SNTG2: variants seen among roughly 807,000 people sequenced by gnomAD.
SNTG2 encodes the protein gamma-2-syntrophin.
A neutral mutation model predicts 70.9 loss-of-function variants in SNTG2; 74 were observed. The observed-to-expected ratio is 1.04, with a 90% CI of 0.86 to 1.27. SNTG2 has a LOEUF of 1.27. Ranked by LOEUF, SNTG2 falls within the 50% of genes most tolerant of loss-of-function variation. The pLI is 0.00. For missense variants in SNTG2, 717 were observed against 690.7 expected, an observed-to-expected ratio of 1.04 and a Z score of -0.43; for synonymous variants, 278 against 273.8, an observed-to-expected ratio of 1.02 and a Z score of -0.15.
At chr2:1,207,206 T>C (rs1389228621) in intron 8 of SNTG2, among the ~76,000 whole-genome samples, 1 of 152,228 alleles carries the variant, frequency 6.6e-6, no homozygotes, top group East Asian at 1.9e-4. Flanking sequence ...TATTTCAGTG[T>C]CATTCTCGTG....
At chr2:1,070,733 CT>C (rs145756996) in intron 1 of SNTG2, among the ~76,000 whole-genome samples, 1 of 152,328 alleles carries the variant, frequency 6.6e-6, no homozygotes, top group African/African-American at 2.4e-5. Context: ...GGAAAGGAAG[CT>C]TCTTATCAGC....
intron 4 of SNTG2, among the ~76,000 whole-genome samples, chr2:1,105,363 A>G (rs1021490339): frequency 6.6e-6 from 1 of 152,088 alleles, no homozygotes; most frequent in East Asian, 1.9e-4. Flanking sequence ...TTGCCATATG[A>G]TGTTCTGCAT....
chr2:1,151,452 T>C (rs1572574805), intron 6 of SNTG2, among the ~76,000 whole-genome samples: 1 of 152,200 alleles, frequency 6.6e-6, no homozygotes, highest in Non-Finnish European at 1.5e-5. Context: ...TTCTGATAAA[T>C]GTTGAGACCC....
chr2:1,145,207 T>A (rs1011004223), intron 6 of SNTG2, among the ~76,000 whole-genome samples: 1 of 151,800 alleles, frequency 6.6e-6, no homozygotes, highest in African/African-American at 2.4e-5. Flanking sequence ...GAGAAGCAAT[T>A]TAAACCCAAT....
intron 6 of SNTG2, among the ~76,000 whole-genome samples, chr2:1,152,212 A>G (rs1307773010): frequency 6.6e-6 from 1 of 152,210 alleles, no homozygotes; most frequent in African/African-American, 2.4e-5. Context: ...TGTAGGGTAG[A>G]GCAATTAGTC....
intron 8 of SNTG2, among the ~76,000 whole-genome samples, chr2:1,190,675 A>G (rs4476383): frequency 0.32 from 47,730 of 151,296 alleles, 8,112 homozygotes; most frequent in East Asian, 0.66. Flanking sequence ...TACACAAAAT[A>G]TATAATTGAA....
Position 1,098,353 on chromosome 2 carries a change from G to C in SNTG2, c.268G>C (p.Gly90Arg), listed in dbSNP as rs1470539682. ...PVGGLGLSIK[G>R]GSEHNVPVVI... ...TCTTTCTGATGGCTTTGTCTTTCAG[G>C]GAGGTTCTGAGCACAACGTCCCTGT... is the stretch of plus-strand genomic sequence containing the variant. The change falls in exon 4 of 17, where the codon GGA (glycine) becomes CGA (arginine). Residue 90 changes from glycine (G) to arginine (R), a missense_variant and splice_region_variant. Physicochemically the swap from Gly to Arg is moderately radical, Grantham distance 125 (BLOSUM62 -2). Transcript: ENST00000308624. 3 of 1,613,832 alleles carry C rather than the reference G, an allele frequency of 1.9e-6. No homozygotes were observed. The highest frequency in any genetic ancestry group is 2.5e-6 in the Non-Finnish European group (3 of 1,179,892).
At chr2:1,061,238 G>A (rs549676519) in intron 1 of SNTG2, among the ~76,000 whole-genome samples, 1 of 152,324 alleles carries the variant, frequency 6.6e-6, no homozygotes, top group African/African-American at 2.4e-5. Flanking sequence ...ACAGCACAAA[G>A]CCGTGTGATC....
intron 11 of SNTG2, among the ~76,000 whole-genome samples, chr2:1,245,744 G>T (rs534231293): frequency 2.0e-5 from 3 of 152,332 alleles, no homozygotes; most frequent in African/African-American, 7.2e-5. Flanking sequence ...AAAATAATCT[G>T]TGTATTTGGT....
chr2:966,260 ACTT>A (rs1300581667), intron 1 of SNTG2, among the ~76,000 whole-genome samples: 5 of 152,000 alleles, frequency 3.3e-5, no homozygotes, highest in African/African-American at 1.2e-4. Context: ...ACTTACAATA[ACTT>A]CTTCTGGGTA....
rs563808737 is a variant in SNTG2, at chr2:991,820, A to C, written c.72+40752A>C. Reference sequence around the variant, plus strand: ...GCAAATTCATTCTCGGTTCATTGTAATTATCAATAAATGATAAGAAATTTC... The same window carrying C: ...GCAAATTCATTCTCGGTTCATTGTACTTATCAATAAATGATAAGAAATTTC... On this transcript the variant is annotated intron_variant, in intron 1 of 16. Coordinates refer to ENST00000308624, the MANE Select transcript of SNTG2 (RefSeq NM_018968.4). Among the ~76,000 whole-genome samples, 337 of 152,304 alleles carry C rather than the reference A, an allele frequency of 2.2e-3. 3 individuals are homozygous for C. The highest frequency in any genetic ancestry group is 2.4e-3 in the Non-Finnish European group (165 of 68,026).
At chr2:1,083,259 AAC>A (rs5828804) in intron 1 of SNTG2, among the ~76,000 whole-genome samples, 110,576 of 146,550 alleles carry the variant, frequency 0.75, 42,254 homozygotes, top group Admixed American at 0.87. Flanking sequence ...TTAAAAAAAA[AAC>A]AAACGCCTGG....
intron 1 of SNTG2, among the ~76,000 whole-genome samples, chr2:996,338 G>A (rs887166959): frequency 6.6e-6 from 1 of 152,160 alleles, no homozygotes; most frequent in Admixed American, 6.5e-5. Flanking sequence ...TTTCCTCTTA[G>A]ATGGTGCCCT....
chr2:953,787 A>G (rs1660056964), intron 1 of SNTG2, among the ~76,000 whole-genome samples: 1 of 152,182 alleles, frequency 6.6e-6, no homozygotes. Flanking sequence ...GTTTTTTTCC[A>G]ACATGGGATG....
At chr2:1,050,255 C>T (rs1406348110) in intron 1 of SNTG2, among the ~76,000 whole-genome samples, 1 of 152,114 alleles carries the variant, frequency 6.6e-6, no homozygotes, top group Non-Finnish European at 1.5e-5. Flanking sequence ...CCCTTCTTTT[C>T]AATAAATCTT....
At chr2:1,279,397 A>C (rs1042586849) in intron 14 of SNTG2, among the ~76,000 whole-genome samples, 1 of 152,240 alleles carries the variant, frequency 6.6e-6, no homozygotes, top group Non-Finnish European at 1.5e-5. Flanking sequence ...GCAGGTATGC[A>C]TGTATGTAGG....
intron 16 of SNTG2, among the ~76,000 whole-genome samples, chr2:1,347,311 G>C (rs1240585245): frequency 1.3e-5 from 2 of 152,078 alleles, no homozygotes; most frequent in African/African-American, 2.4e-5. Context: ...TGCAGGGCAG[G>C]GTCCAGTAGC....
chr2:1,209,139 C>T lies in SNTG2; in HGVS notation c.628C>T (p.Pro210Ser), dbSNP rs1348472612. The T allele has an allele frequency of 3.7e-6, 6 of 1,613,934 alleles. No individual in the cohort carries two copies. The highest frequency in any genetic ancestry group is 5.1e-6 in the Non-Finnish European group (6 of 1,179,882). ...SSPSSPIAKDPRYEKRWLDTL... is the reference protein window; with the variant it reads ...SSPSSPIAKDSRYEKRWLDTL... ...ACCTTCCTCGCCCATAGCTAAGGAC[C>T]CGAGGTATGAGAAGCGCTGGCTGGA... is the stretch of plus-strand genomic sequence containing the variant. The change falls in exon 9 of 17, where the codon CCG becomes TCG. Residue 210 changes from proline to serine, a missense_variant. Transcript: ENST00000308624.
intron 8 of SNTG2, among the ~76,000 whole-genome samples, chr2:1,193,875 G>A (rs1419422492): frequency 6.6e-6 from 1 of 152,234 alleles, no homozygotes; most frequent in African/African-American, 2.4e-5. Context: ...ACTTCTCACT[G>A]TTATTAAGAC....
Sources: gnomAD v4.1 joint callset for allele counts (sites outside exome capture counted in the v4.1 genomes callset) on GRCh38, gnomAD v4.1.1 for gene constraint, MANE v1.5 for transcripts, NCBI Gene and HGNC (gene_info 2026-07-23, HGNC 2026-07-21) for gene names.